MAP3K13: variants seen among roughly 807,000 people sequenced by gnomAD.
The protein encoded by MAP3K13 is mitogen-activated protein kinase kinase kinase 13, also known as leucine zipper-bearing kinase.
A neutral mutation model predicts 104.0 loss-of-function variants in MAP3K13; 52 were observed. The observed-to-expected ratio is 0.50, with a 90% CI of 0.40 to 0.63. MAP3K13 has a LOEUF of 0.63. Among genes scored for constraint, MAP3K13 ranks in the 20% least tolerant of loss-of-function variants. The pLI is 0.00. For missense variants in MAP3K13, 914 were observed against 1,218.5 expected (o/e 0.75, Z 3.72); for synonymous variants, 394 against 442.2 (o/e 0.89, Z 1.37).
At position 185,355,466 on chromosome 3, in the gene MAP3K13, C is replaced by CAAA. The variant is rs10554957; in HGVS notation, c.-86+69839_-86+69841dup. Among the ~76,000 whole-genome samples, 266 of 135,966 alleles carry CAAA rather than the reference C, an allele frequency of 2.0e-3. 1 individual carries two copies. The highest frequency in any genetic ancestry group is 6.9e-3 in the African/African-American group (247 of 35,990). The allele number at this position is 135,966 out of a possible 152,430, so 89.2% of individuals were successfully genotyped here. A position where few individuals can be genotyped will look rare whatever the true frequency, so the allele number is the denominator to read the frequency against. ...TGGGTGTCAGAGCGAAACTCTGTCT[C>CAAA]AAAAAAAAAAAAAAAAAATTAGCCG... On this transcript the variant is annotated intron_variant, in intron 2 of 14. Transcript: ENST00000424227.
intron 1 of MAP3K13, among the ~76,000 whole-genome samples, chr3:185,396,231 C>T (rs908784811): frequency 9.2e-5 from 14 of 151,984 alleles, no homozygotes; most frequent in African/African-American, 1.4e-4. Context: ...ATTAGCCTGG[C>T]GTGGTGGTGC....
intron 1 of MAP3K13, among the ~76,000 whole-genome samples, chr3:185,366,407 A>G (rs1180972344): frequency 6.6e-6 from 1 of 152,166 alleles, no homozygotes; most frequent in Admixed American, 6.5e-5. Context: ...ATTTGTGTAC[A>G]CATTTTTGTG....
intron 2 of MAP3K13, among the ~76,000 whole-genome samples, chr3:185,335,353 T>C (rs1722446309): frequency 6.6e-6 from 1 of 152,140 alleles, no homozygotes; most frequent in Non-Finnish European, 1.5e-5. Context: ...TTGGATCCCC[T>C]TCCCTTCAAC....
intron 2 of MAP3K13, among the ~76,000 whole-genome samples, chr3:185,295,883 G>T (rs1720903742): frequency 6.6e-6 from 1 of 152,114 alleles, no homozygotes; most frequent in African/African-American, 2.4e-5. Context: ...TCTTCCCACA[G>T]CCACCACTCT....
intron 2 of MAP3K13, among the ~76,000 whole-genome samples, chr3:185,322,225 G>T (rs937810874): frequency 5.3e-5 from 8 of 152,198 alleles, no homozygotes; most frequent in Non-Finnish European, 1.2e-4. Context: ...TTTGCCAAAG[G>T]CCTTTAAATC....
At chr3:185,477,134 C>T (rs1718175824) in intron 11 of MAP3K13, 192 bp from the exon 12 acceptor site, 1 of 682,600 alleles carries the variant, frequency 1.5e-6, no homozygotes, top group Non-Finnish European at 2.7e-6. Flanking sequence ...TGCAGGCCCG[C>T]CATCATAGGT....
At chr3:185,325,894 G>A (rs1185039836) in intron 2 of MAP3K13, among the ~76,000 whole-genome samples, 3 of 152,212 alleles carry the variant, frequency 2.0e-5, no homozygotes, top group African/African-American at 7.2e-5. Flanking sequence ...AGCAAGCCAA[G>A]GTCATTCTTG....
At chr3:185,303,285 G>A (rs1721171743) in intron 2 of MAP3K13, among the ~76,000 whole-genome samples, 1 of 152,166 alleles carries the variant, frequency 6.6e-6, no homozygotes. Flanking sequence ...ATATCAGTCT[G>A]TAGTTTTCCT....
chr3:185,466,717 C>A, intron 9 of MAP3K13, 109 bp from the exon 10 acceptor site: 1 of 1,318,136 alleles, frequency 7.6e-7, no homozygotes, highest in South Asian at 1.3e-5. Context: ...TCTTGTTATT[C>A]AAATAGCTAA....
intron 2 of MAP3K13, chr3:185,292,046 T>G (rs2108673598): frequency 1.0e-6 from 1 of 977,552 alleles, no homozygotes; most frequent in South Asian, 4.7e-5. Flanking sequence ...GGCTCATGCC[T>G]GTAATCCCAG....
At chr3:185,425,251 G>A (rs991667412) in intron 1 of MAP3K13, among the ~76,000 whole-genome samples, 1 of 152,118 alleles carries the variant, frequency 6.6e-6, no homozygotes, top group African/African-American at 2.4e-5. Context: ...TGCATAGTAG[G>A]CCTTAAATTC....
intron 2 of MAP3K13, among the ~76,000 whole-genome samples, chr3:185,307,694 C>G (rs985500063): frequency 2.6e-5 from 4 of 151,926 alleles, no homozygotes; most frequent in Admixed American, 2.6e-4. Flanking sequence ...CAGGCGCATG[C>G]CACCACACCC....
At position 185,474,275 on chromosome 3, in the gene MAP3K13, G is replaced by A. The variant is rs373605964; in HGVS notation, c.2430+514G>A. Among the ~76,000 whole-genome samples, 155 of 151,934 alleles carry A rather than the reference G, an allele frequency of 1.0e-3. 2 individuals carry two copies. The highest frequency in any genetic ancestry group is 3.5e-3 in the African/African-American group (144 of 41,414). On this transcript the variant is annotated intron_variant, in intron 11 of 13. Coordinates refer to ENST00000265026, the MANE Select transcript of MAP3K13 (RefSeq NM_004721.5). ...TGGGAGGCGGAGGTTGCACTGAGCC[G>A]AGATCACACCACTGCACTCCAGCCT...
intron 1 of MAP3K13, among the ~76,000 whole-genome samples, chr3:185,380,951 T>C (rs552798621): frequency 6.7e-6 from 1 of 150,144 alleles, no homozygotes; most frequent in Non-Finnish European, 1.5e-5. Context: ...TTTTTTTGTT[T>C]TTTTTTTGTT....
At chr3:185,357,607 T>C (rs1024776946) in intron 2 of MAP3K13, among the ~76,000 whole-genome samples, 4 of 152,174 alleles carry the variant, frequency 2.6e-5, no homozygotes, top group African/African-American at 9.6e-5. Flanking sequence ...CTGCAAAGGT[T>C]TGGTTTATGG....
rs60058845 is a variant in MAP3K13, at chr3:185,487,170, T to TG, written c.*4723dup. On this transcript the variant is annotated 3_prime_UTR_variant, in exon 14 of 14. Transcript: ENST00000265026. ...ACCTGGCACCAACCCAGACTTTTTT[T>TG]GGGGGGGGGTGAGGGCGCAGGATCT... The TG allele has an allele frequency of 0.46, 68,327 of 149,140 alleles. 15,889 individuals are homozygous for TG. Among genetic ancestry groups the TG allele is most frequent in the African/African-American group, 0.55 (22,095 of 40,450 alleles). 9.2% of individuals were successfully genotyped at this position (149,140 alleles called of 1,614,324 possible).
intron 7 of MAP3K13, among the ~76,000 whole-genome samples, chr3:185,455,151 G>T (rs865798416): frequency 1.2e-3 from 58 of 49,562 alleles, no homozygotes; most frequent in African/African-American, 2.4e-3. Flanking sequence ...ATATATGTGA[G>T]ATATATATGA....
intron 1 of MAP3K13, among the ~76,000 whole-genome samples, chr3:185,420,251 A>G (rs2108795020): frequency 6.6e-6 from 1 of 152,278 alleles, no homozygotes; most frequent in Admixed American, 6.5e-5. Flanking sequence ...TCCACAGTTA[A>G]GAGAGTAAGT....
At chr3:185,404,872 G>A (rs933544034) in intron 1 of MAP3K13, among the ~76,000 whole-genome samples, 1 of 152,152 alleles carries the variant, frequency 6.6e-6, no homozygotes, top group Non-Finnish European at 1.5e-5. Flanking sequence ...ATGAGCCACC[G>A]CGCGCAGCCC....
Sources: gnomAD v4.1 joint callset for allele counts (sites outside exome capture counted in the v4.1 genomes callset) on GRCh38, gnomAD v4.1.1 for gene constraint, MANE v1.5 for transcripts, NCBI Gene and HGNC (gene_info 2026-07-23, HGNC 2026-07-21) for gene names.